NIPSNAP1: variants seen among roughly 807,000 people sequenced by gnomAD.
NIPSNAP1 encodes nipsnap homolog 1.
Under a neutral mutation model 49.2 loss-of-function variants are expected in NIPSNAP1, and 25 were observed. That is an observed-to-expected ratio of 0.51 (90% CI 0.37 to 0.71). The LOEUF is 0.71. Among genes scored for constraint, NIPSNAP1 ranks in the 30% least tolerant of loss-of-function variants. The probability of loss-of-function intolerance (pLI) is 0.00; values close to 1 mark genes in which losing one functional copy is unlikely to be tolerated. For synonymous variants in NIPSNAP1, 143 were observed against 140.7 expected, an observed-to-expected ratio of 1.02 and a Z score of -0.12; for missense variants, 294 against 361.0, an observed-to-expected ratio of 0.81 and a Z score of 1.50.
intron 1 of NIPSNAP1, among the ~76,000 whole-genome samples, chr22:29,575,676 C>T (rs1028847904): frequency 2.6e-5 from 4 of 151,660 alleles, no homozygotes; most frequent in African/African-American, 4.8e-5. Flanking sequence ...GGGAGGCTGA[C>T]GCAAGAGGGA....
At position 29,561,478 on chromosome 22, in the gene NIPSNAP1, C is replaced by T. The variant is rs578161472; in HGVS notation, c.579+28G>A. The stretch of plus-strand genomic sequence containing the variant: ...GCATTGCAGCAGGGAAATTGGGGGG[C>T]AGGAGGGGGTCTGTCGGAGGGAGGC... On this transcript the variant is annotated intron_variant, in intron 6 of 9. Transcript: ENST00000216121. The T allele has an allele frequency of 4.8e-5, 77 of 1,613,344 alleles. 1 individual carries two copies. In the South Asian group the frequency reaches 8.2e-4, roughly 17 times the overall value.
At chr22:29,558,760 A>G in intron 9 of NIPSNAP1, 110 bp downstream of exon 9, 1 of 851,876 alleles carries the variant, frequency 1.2e-6, no homozygotes, top group South Asian at 1.3e-5. Flanking sequence ...TTGTCTTAAA[A>G]GTGAGTTCCC....
In NIPSNAP1 at chr22:29,555,950, G is replaced by A; in HGVS notation, c.840C>T (p.Ile280=). The change falls in exon 10 of 10, where the codon ATC becomes ATT. Residue 280 remains isoleucine, a synonymous_variant. Transcript: ENST00000216121. Reference sequence around the variant, plus strand: ...GTAGGCAGCATCACTGCAGAGGCGAGATCTTCAAGGGGATCATGATCCTAG... The same window carrying A: ...GTAGGCAGCATCACTGCAGAGGCGAAATCTTCAAGGGGATCATGATCCTAG... ...MESRIMIPLK[I]SPLQ is the part of the protein sequence containing the mutation. 6.4e-7 allele frequency: 1 copy of A among 1,551,846 alleles called. No individual in the cohort carries two copies. The highest frequency in any genetic ancestry group is 2.0e-5 in the Admixed American group (1 of 50,994).
intron 1 of NIPSNAP1, among the ~76,000 whole-genome samples, chr22:29,574,494 A>G (rs1170773008): frequency 6.6e-6 from 1 of 151,816 alleles, no homozygotes; most frequent in Non-Finnish European, 1.5e-5. Context: ...AAAGACAATT[A>G]TCAGCCTGGT....
intron 3 of NIPSNAP1, chr22:29,569,853 GC>G (rs911525313): frequency 1.4e-5 from 6 of 415,302 alleles, no homozygotes; most frequent in African/African-American, 1.2e-4. Flanking sequence ...GCCATGCTTA[GC>G]GGCGCATGCC....
At chr22:29,565,316 A>C (rs918540679) in intron 4 of NIPSNAP1, among the ~76,000 whole-genome samples, 1 of 152,006 alleles carries the variant, frequency 6.6e-6, no homozygotes, top group African/African-American at 2.4e-5. Flanking sequence ...GTTCGAGACC[A>C]GCCTGGCCAA....
At chr22:29,559,320 T>C (rs1051634841) in intron 8 of NIPSNAP1, among the ~76,000 whole-genome samples, 1 of 152,132 alleles carries the variant, frequency 6.6e-6, no homozygotes, top group Non-Finnish European at 1.5e-5. Context: ...GCTGGTGGAC[T>C]GCTTGAGGCC....
At chr22:29,577,506 G>GC (rs764966658) in intron 1 of NIPSNAP1, among the ~76,000 whole-genome samples, 15 of 147,994 alleles carry the variant, frequency 1.0e-4, no homozygotes, top group South Asian at 2.1e-4. Flanking sequence ...TGCAACCTCC[G>GC]CCCCCTGGGT....
rs538902792 is a variant in NIPSNAP1 at position 29,572,981 on chromosome 22, A to G, written c.99-2449T>C. Among the ~76,000 whole-genome samples, 134 of 152,098 alleles carry G rather than the reference A, an allele frequency of 8.8e-4. 2 individuals carry two copies. The highest frequency in any genetic ancestry group is 3.1e-3 in the African/African-American group (130 of 41,512). On this transcript the variant is annotated intron_variant, in intron 1 of 9. Transcript: ENST00000216121. ...GGTGACAGAGACCATGTCTCAAAAA[A>G]AAAAAAAATTTCTTTTTAAAAATAA...
intron 1 of NIPSNAP1, among the ~76,000 whole-genome samples, chr22:29,574,805 T>C (rs2146616378): frequency 6.7e-6 from 1 of 148,632 alleles, no homozygotes; most frequent in South Asian, 2.1e-4. Flanking sequence ...AAAAGACAAT[T>C]ATCATTAGAT....
At chr22:29,578,321 C>T (rs532645670) in intron 1 of NIPSNAP1, among the ~76,000 whole-genome samples, 7 of 151,414 alleles carry the variant, frequency 4.6e-5, no homozygotes, top group Admixed American at 3.9e-4. Context: ...CAGGCATGAC[C>T]CACTGTGCCT....
In NIPSNAP1 at chr22:29,576,245, C is replaced by T. The variant is rs2064451545; in HGVS notation, c.98+4740G>A. The stretch of plus-strand genomic sequence containing the variant: ...ATGTTGGTCAGGCTGGTCTCGAACT[C>T]CTGACCTCAAGTGATCTGCCTGACT... On this transcript the variant is annotated intron_variant, in intron 1 of 9. Coordinates refer to ENST00000216121, the MANE Select transcript of NIPSNAP1 (RefSeq NM_003634.4). Among the ~76,000 whole-genome samples the T allele has an allele frequency of 2.0e-5, 3 of 150,926 alleles. 1 individual carries two copies. The South Asian group carries it at 6.2e-4, about 31-fold the overall frequency.
At chr22:29,562,740 C>T (rs2064344415) in intron 4 of NIPSNAP1, among the ~76,000 whole-genome samples, 1 of 152,020 alleles carries the variant, frequency 6.6e-6, no homozygotes, top group Admixed American at 6.6e-5. Flanking sequence ...AGAATGGAGG[C>T]CTGTGGGGCC....
intron 7 of NIPSNAP1, 25 bp from the exon 8 acceptor site, chr22:29,560,853 G>A (rs774220289): frequency 6.2e-7 from 1 of 1,603,744 alleles, no homozygotes; most frequent in South Asian, 1.1e-5. Context: ...ATAATATGGG[G>A]CAGAAGCCAG....
chr22:29,560,617 G>A (rs2064328533), intron 8 of NIPSNAP1, 117 bp downstream of exon 8: 1 of 825,052 alleles, frequency 1.2e-6, no homozygotes, highest in South Asian at 1.3e-5. Flanking sequence ...ATCTAAGATA[G>A]TGTCTCCTGC....
intron 1 of NIPSNAP1, among the ~76,000 whole-genome samples, chr22:29,576,151 T>C (rs994627563): frequency 6.6e-6 from 1 of 150,988 alleles, no homozygotes; most frequent in African/African-American, 2.5e-5. Flanking sequence ...CCCGAGTAGC[T>C]GGGACTACAG....
intron 8 of NIPSNAP1, 141 bp from the exon 9 acceptor site, chr22:29,559,094 C>T: frequency 1.4e-6 from 1 of 711,170 alleles, no homozygotes; most frequent in Non-Finnish European, 2.6e-6. Context: ...TATTAGCAAA[C>T]ACTGTCTGCT....
intron 3 of NIPSNAP1, 92 bp downstream of exon 3, chr22:29,570,070 A>G (rs976284231): frequency 1.0e-6 from 1 of 990,808 alleles, no homozygotes; most frequent in East Asian, 2.4e-5. Context: ...ATTTCTACAG[A>G]AAAGAACAGG....
At chr22:29,573,010 T>G (rs761439063) in intron 1 of NIPSNAP1, among the ~76,000 whole-genome samples, 4 of 150,930 alleles carry the variant, frequency 2.7e-5, no homozygotes, top group Non-Finnish European at 5.9e-5. Context: ...AAAATAATCT[T>G]AAAGTGGTGA....
Sources: allele counts gnomAD v4.1 joint callset (sites outside exome capture counted in the v4.1 genomes callset), GRCh38; gene constraint gnomAD v4.1.1; transcripts MANE v1.5; gene names NCBI Gene and HGNC (gene_info 2026-07-23, HGNC 2026-07-21).